The following OTUD7B variants were observed in gnomAD, a reference collection of about 807,000 sequenced individuals.
OTUD7B encodes OTU deubiquitinase 7B, also known as OTU domain-containing protein 7B.
In OTUD7B, 34 loss-of-function variants were observed where a neutral mutation model predicts 82.2. That is an observed-to-expected ratio of 0.41 (90% CI 0.31 to 0.55). The LOEUF (loss-of-function observed/expected upper bound fraction) is 0.55, where lower values mean the gene tolerates loss of function less well. OTUD7B is among the 20% of genes least tolerant of loss of function. The pLI, the probability that OTUD7B is intolerant of heterozygous loss-of-function variation, is 0.20. For synonymous variants in OTUD7B, 398 were observed against 402.7 expected (o/e 0.99, Z 0.14); for missense variants, 944 against 1,062.1 (o/e 0.89, Z 1.55).
intron 6 of OTUD7B, chr1:149,963,337 AG>A (rs1649282838): frequency 6.6e-6 from 1 of 152,196 alleles, no homozygotes; most frequent in Admixed American, 6.5e-5. Context: ...AAAAGGAAAT[AG>A]GGAGCCTCAT....
chr1:150,025,836 C>A, the OTUD7B span, among the ~76,000 whole-genome samples: 563 of 152,204 alleles, frequency 3.7e-3, 3 homozygotes, highest in African/African-American at 0.013. Flanking sequence ...GGAAATAAGC[C>A]CCCACATGAA....
chr1:149,972,371 G>A (rs1236018848), intron 2 of OTUD7B, among the ~76,000 whole-genome samples: 1 of 152,142 alleles, frequency 6.6e-6, no homozygotes, highest in Non-Finnish European at 1.5e-5. Context: ...TGACCTTGCT[G>A]TTCCTAGAAC....
intron 1 of OTUD7B, among the ~76,000 whole-genome samples, chr1:149,993,932 A>G (rs1651760430): frequency 6.6e-6 from 1 of 152,226 alleles, no homozygotes; most frequent in Non-Finnish European, 1.5e-5. Flanking sequence ...GGGTACAAGT[A>G]GTATGGGCAA....
intron 11 of OTUD7B, among the ~76,000 whole-genome samples, chr1:149,946,740 T>TG (rs1647777388): frequency 3.2e-3 from 11 of 3,418 alleles, no homozygotes; most frequent in African/African-American, 0.01. Flanking sequence ...AGACTTCCTC[T>TG]GAAAAAAAAA....
chr1:150,042,682 A>G, the OTUD7B span, among the ~76,000 whole-genome samples: 1 of 152,148 alleles, frequency 6.6e-6, no homozygotes, highest in African/African-American at 2.4e-5. Flanking sequence ...CCTTCTTGTA[A>G]GAGTCATTTT....
At chr1:149,992,825 C>T (rs1553782446) in intron 1 of OTUD7B, among the ~76,000 whole-genome samples, 1 of 152,076 alleles carries the variant, frequency 6.6e-6, no homozygotes, top group Non-Finnish European at 1.5e-5. Flanking sequence ...AATAAACCAC[C>T]AACTTTTAAC....
At chr1:149,946,632 C>T (rs1553772183) in intron 11 of OTUD7B, among the ~76,000 whole-genome samples, 1 of 150,348 alleles carries the variant, frequency 6.7e-6, no homozygotes, top group Non-Finnish European at 1.5e-5. Flanking sequence ...ATCCCAGCTA[C>T]TCGTGAGGCT....
In OTUD7B at chr1:149,963,229, G is replaced by A. The variant is rs1427629018; in HGVS notation, c.732+993C>T. The A allele has an allele frequency of 2.6e-5, 4 of 151,892 alleles. No individual in the cohort carries two copies. The East Asian group carries it at 7.7e-4, about 29-fold the overall frequency. The allele number at this position is 151,892 out of a possible 1,614,324, so 9.4% of individuals were successfully genotyped here. On this transcript the variant is annotated intron_variant, in intron 6 of 11. Coordinates refer to ENST00000581312, the MANE Select transcript of OTUD7B (RefSeq NM_020205.4). ...AAAGGAAAGTTTCTGAAGAGATATT[G>A]CCATACTAAATGCCAGAAAGATCCA...
intron 1 of OTUD7B, among the ~76,000 whole-genome samples, 177 bp downstream of exon 1, chr1:150,010,271 G>A (rs1189370674): frequency 2.0e-5 from 3 of 152,098 alleles, no homozygotes; most frequent in South Asian, 2.1e-4. Context: ...AGATCGGGAC[G>A]AAGCAAGGAG....
intron 7 of OTUD7B, among the ~76,000 whole-genome samples, chr1:149,957,627 G>A (rs1001768861): frequency 6.6e-6 from 1 of 152,176 alleles, no homozygotes; most frequent in Admixed American, 6.5e-5. Context: ...ATGCCCTGCC[G>A]CCAGAGGTGG....
At chr1:149,952,301 T>C (rs587602549) in intron 7 of OTUD7B, among the ~76,000 whole-genome samples, 2 of 151,044 alleles carry the variant, frequency 1.3e-5, no homozygotes, top group East Asian at 2.0e-4. Context: ...CATGTGGTGT[T>C]TGGTTTTTTG....
In OTUD7B at chr1:149,944,501, G is replaced by A. The variant is rs782145588; in HGVS notation, c.1888C>T (p.Arg630Cys). The A allele has an allele frequency of 1.4e-5, 22 of 1,614,070 alleles. No homozygotes were observed. Among genetic ancestry groups the A allele is most frequent in the East Asian group, 1.3e-4 (6 of 44,882 alleles). Residue 630 changes from arginine to cysteine, a missense_variant, in exon 12 of 12, where the codon CGC (arginine) becomes TGC (cysteine). Arg to Cys is a radical substitution (Grantham distance 180). Coordinates refer to ENST00000581312, the MANE Select transcript of OTUD7B (RefSeq NM_020205.4). ...RHQYQEEMIQ[R>C]YLSDAEERFL... ...CTCTCCTCAGCATCAGAAAGGTAGC[G>A]CTGGATCATTTCCTCCTGATACTGG...
At chr1:150,049,629 C>CTCTTTTTTTT in the OTUD7B span, among the ~76,000 whole-genome samples, 2 of 43,468 alleles carry the variant, frequency 4.6e-5, no homozygotes, top group South Asian at 1.9e-3. Flanking sequence ...CTCTCTCTCT[C>CTCTTTTTTTT]TTTCTTTTTT....
rs1366020859 is a variant in OTUD7B at position 149,960,413 on chromosome 1, T to TTTTTTTTTTTTTTTTTTTTTTTTTG, written c.733-618_733-617insCAAAAAAAAAAAAAAAAAAAAAAAA. On this transcript the variant is annotated intron_variant, in intron 6 of 11. Transcript: ENST00000581312. ...CCTTTTTTTCTTTTTTTTTTTTTTG[T>TTTTTTTTTTTTTTTTTTTTTTTTTG]AGACAGAGTCACCCAGGCTGGAGTG... is the stretch of plus-strand genomic sequence containing the variant. Among the ~76,000 whole-genome samples, 5 of 72,566 alleles carry TTTTTTTTTTTTTTTTTTTTTTTTTG rather than the reference T, an allele frequency of 6.9e-5. 1 individual carries two copies. Among genetic ancestry groups the TTTTTTTTTTTTTTTTTTTTTTTTTG allele is most frequent in the East Asian group, 4.9e-4 (1 of 2,026 alleles). 47.6% of individuals were successfully genotyped at this position (72,566 alleles called of 152,430 possible).
chr1:150,030,610 G>A, the OTUD7B span, among the ~76,000 whole-genome samples: 1 of 152,114 alleles, frequency 6.6e-6, no homozygotes, highest in African/African-American at 2.4e-5. Context: ...TGGAACCTGT[G>A]TCTCCTTTAA....
the OTUD7B span, among the ~76,000 whole-genome samples, chr1:150,046,195 T>C: frequency 5.9e-5 from 9 of 152,188 alleles, no homozygotes; most frequent in African/African-American, 1.9e-4. Flanking sequence ...ATATGGGTGA[T>C]CTACGTAACT....
rs782136058 is a variant in OTUD7B, at chr1:149,964,232, T to C, written c.722A>G (p.Gln241Arg). 16 of 1,612,982 alleles carry C rather than the reference T, an allele frequency of 9.9e-6. No homozygotes were observed. The highest frequency in any genetic ancestry group is 1.4e-5 in the Non-Finnish European group (16 of 1,180,030). ...CCCACGCTCTCCCACCTCTTTATTC[T>C]GCTGTGTCTGCTGCCACCTCCAGCG... ...KRRWRWQQTQ[Q>R]NKESGLVYTE... The change falls in exon 6 of 12, where the codon CAG (glutamine) becomes CGG (arginine). Residue 241 changes from glutamine to arginine, a missense_variant. Gln to Arg is a conservative substitution (Grantham distance 43). This residue lies in a region of OTUD7B where 530 missense variants were observed against 625.6 expected (regional missense o/e 0.85). Coordinates refer to ENST00000581312, the MANE Select transcript of OTUD7B (RefSeq NM_020205.4).
intron 1 of OTUD7B, among the ~76,000 whole-genome samples, chr1:149,985,582 T>A (rs942766531): frequency 1.3e-5 from 2 of 151,826 alleles, no homozygotes; most frequent in Non-Finnish European, 2.9e-5. Context: ...TACAAAAAAA[T>A]TAATTAATTA....
chr1:149,974,267 T>C (rs1241599418), intron 2 of OTUD7B, among the ~76,000 whole-genome samples: 1 of 152,118 alleles, frequency 6.6e-6, no homozygotes, highest in Non-Finnish European at 1.5e-5. Flanking sequence ...TTATCTTAAT[T>C]CCACCTCCTT....
Sources: allele counts gnomAD v4.1 joint callset (sites outside exome capture counted in the v4.1 genomes callset), GRCh38; gene constraint gnomAD v4.1.1; regional missense constraint gnomAD v4.1.1; transcripts MANE v1.5; gene names NCBI Gene and HGNC (gene_info 2026-07-23, HGNC 2026-07-21).